ACAN: variants seen among roughly 807,000 people sequenced by gnomAD.
The protein encoded by ACAN is aggrecan core protein.
A neutral mutation model predicts 169.1 loss-of-function variants in ACAN; 47 were observed. The observed-to-expected ratio is 0.28, with a 90% CI of 0.22 to 0.35. The LOEUF (loss-of-function observed/expected upper bound fraction) is 0.35. Ranked by LOEUF, ACAN falls within the 10% of genes least tolerant of loss-of-function variation. The pLI is 1.00. For synonymous variants in ACAN, 1,115 were observed against 1,112.2 expected (o/e 1.00, Z -0.05); for missense variants, 2,716 against 2,759.9 (o/e 0.98, Z 0.36).
At chr15:88,853,326 G>C (rs955654685) in intron 11 of ACAN, among the ~76,000 whole-genome samples, 7 of 151,820 alleles carry the variant, frequency 4.6e-5, no homozygotes, top group Non-Finnish European at 8.8e-5. Flanking sequence ...TTTTCTTTAA[G>C]TTGACTTGCT....
rs148289212 is a variant in ACAN at position 88,865,863 on chromosome 15, AG to A, written c.6947-2352del. On this transcript the variant is annotated intron_variant, in intron 13 of 18. Coordinates refer to ENST00000560601, the MANE Select transcript of ACAN (RefSeq NM_001369268.1). ...CACAGGCCAAAACAGCTAATAAGAAAGCCCCACACCGGACACCTGGCCTTCT... is the reference window on the plus strand; with the variant it reads ...CACAGGCCAAAACAGCTAATAAGAAACCCCACACCGGACACCTGGCCTTCT... Among the ~76,000 whole-genome samples, 336 of 152,318 alleles carry A rather than the reference AG, an allele frequency of 2.2e-3. 1 individual carries two copies. The highest frequency in any genetic ancestry group is 7.6e-3 in the African/African-American group (316 of 41,572).
rs148054913 is a variant in ACAN, at chr15:88,813,365, T to C, written c.-8+9556T>C. On this transcript the variant is annotated intron_variant, in intron 1 of 18. Transcript: ENST00000560601. Reference sequence around the variant, plus strand: ...TATGTTGCACTCTGCTCTTGTCATATATAGGAAATCTGGGACTCAGAAAAG... The same window carrying C: ...TATGTTGCACTCTGCTCTTGTCATACATAGGAAATCTGGGACTCAGAAAAG... Among the ~76,000 whole-genome samples the C allele has an allele frequency of 2.5e-3, 374 of 152,330 alleles. 1 individual carries two copies. Among genetic ancestry groups the C allele is most frequent in the African/African-American group, 8.4e-3 (348 of 41,572 alleles).
At chr15:88,844,781 G>A (rs1444205400) in intron 6 of ACAN, among the ~76,000 whole-genome samples, 2 of 152,138 alleles carry the variant, frequency 1.3e-5, no homozygotes, top group Non-Finnish European at 2.9e-5. Context: ...CACATTTTGG[G>A]TTATAATTAT....
In ACAN at chr15:88,854,948, CCCCCTCAGAGGTGCCATT is replaced by C. The variant is rs746833765; in HGVS notation, c.2375_2392del (p.Val792_Glu797del). On this transcript the variant is annotated inframe_deletion, in exon 12 of 19. Coordinates refer to ENST00000560601, the MANE Select transcript of ACAN (RefSeq NM_001369268.1). ...GTGCCCTCTGCCTCAGAGGAACCAT[CCCCCTCAGAGGTGCCATT>C]CCCCTCAGAGGAGCCATCCCCCTCA... is the stretch of plus-strand genomic sequence containing the variant. 6.3e-7 allele frequency: 1 copy of C among 1,594,550 alleles called. No individual in the cohort carries two copies. Among genetic ancestry groups the C allele is most frequent in the African/African-American group, 1.3e-5 (1 of 74,332 alleles).
rs1897479194 is a variant in ACAN at position 88,875,034 on chromosome 15, G to A, written c.*553G>A. Reference sequence around the variant, plus strand: ...ATGAGGGAAAAGCCTTGGGGGAGAGGGGTGGGTTCCTGCCTCCTGCCGAGG... The same window carrying A: ...ATGAGGGAAAAGCCTTGGGGGAGAGAGGTGGGTTCCTGCCTCCTGCCGAGG... On this transcript the variant is annotated 3_prime_UTR_variant, in exon 19 of 19. Transcript: ENST00000560601. The surrounding 1 kb of genome is among the most constrained non-coding windows in gnomAD (Gnocchi z 4.8). The A allele has an allele frequency of 5.7e-6, 1 of 173,948 alleles. No individual in the cohort carries two copies. Among genetic ancestry groups the A allele is most frequent in the Non-Finnish European group, 1.2e-5 (1 of 80,964 alleles). 10.8% of individuals were successfully genotyped at this position (173,948 alleles called of 1,614,324 possible).
Position 88,860,338 on chromosome 15 carries a change from C to T in ACAN, c.6845C>T (p.Ser2282Phe), listed in dbSNP as rs752044557. Residue 2282 changes from serine (S) to phenylalanine (F), a missense_variant, in exon 13 of 19, where the codon TCC becomes TTC. Physicochemically the swap from Ser to Phe is radical, Grantham distance 155 (BLOSUM62 -2). Transcript: ENST00000560601. ...CTGGGGGTTGCAGCCCCCGCCAGGT[C>T]CTGTGCAGAGGAGCCCTGTGGAGCT... ...SESTAAAPAR[S>F]CAEEPCGAGT... 1 of 1,611,878 alleles carries T rather than the reference C, an allele frequency of 6.2e-7. No homozygotes were observed. Among genetic ancestry groups the T allele is most frequent in the African/African-American group, 1.3e-5 (1 of 74,886 alleles).
At position 88,871,474 on chromosome 15, in the gene ACAN, C is replaced by T. The variant is rs1428837585; in HGVS notation, c.7153C>T (p.Arg2385Trp). The T allele has an allele frequency of 1.1e-5, 18 of 1,613,890 alleles. No homozygotes were observed. Among genetic ancestry groups the T allele is most frequent in the Admixed American group, 1.7e-5 (1 of 60,024 alleles). Residue 2385 changes from arginine to tryptophan, a missense_variant, in exon 15 of 19, where the codon CGG (arginine) becomes TGG (tryptophan). Arg to Trp is a moderately radical substitution (Grantham distance 101). Transcript: ENST00000560601. This position sits in a 1 kb window ranked among gnomAD's most constrained non-coding sequence, Gnocchi z 7.8. ...CGAGACCTGGGTGGATGCTGAGCGC[C>T]GGTGTCGGGAGCAGCAGTCACACCT... is the stretch of plus-strand genomic sequence containing the variant. ...DRETWVDAER[R>W]CREQQSHLSS...
At position 88,857,136 on chromosome 15, in the gene ACAN, C is replaced by A. The variant is rs768446108; in HGVS notation, c.4551C>A (p.Thr1517=). The A allele has an allele frequency of 6.2e-7, 1 of 1,605,446 alleles. No homozygotes were observed. The highest frequency in any genetic ancestry group is 2.2e-5 in the East Asian group (1 of 44,466). The change falls in exon 12 of 19, where the codon ACC becomes ACA. Residue 1517 remains threonine, a synonymous_variant. Transcript: ENST00000560601. ...TTCCTTCAGGAGAAGGTCTAGAGAC[C>A]TCTGCTTCTGGAGTAGAGGACCTCA... ...SELPSGEGLE[T]SASGVEDLSR...
intron 1 of ACAN, among the ~76,000 whole-genome samples, chr15:88,835,237 A>C (rs1596128011): frequency 6.6e-6 from 1 of 152,222 alleles, no homozygotes; most frequent in East Asian, 1.9e-4. Flanking sequence ...TCTAAAACAC[A>C]CGTGATCTCT....
At chr15:88,863,055 A>C (rs1310929340) in intron 13 of ACAN, among the ~76,000 whole-genome samples, 3 of 151,628 alleles carry the variant, frequency 2.0e-5, no homozygotes, top group Non-Finnish European at 4.4e-5. Flanking sequence ...GGGGGGCCAT[A>C]GGGAGCAAAA....
In ACAN at chr15:88,861,543, A is replaced by G. The variant is rs1897194330; in HGVS notation, c.6946+1104A>G. On this transcript the variant is annotated intron_variant, in intron 13 of 18. Transcript: ENST00000560601. The surrounding 1 kb of genome is among the most constrained non-coding windows in gnomAD (Gnocchi z 6.3). ...CATGGTACATATGCAGTAACTATAT[A>G]TGTATATATAAACAGACGTTAGGGT... Among the ~76,000 whole-genome samples, 1 of 152,140 alleles carries G rather than the reference A, an allele frequency of 6.6e-6. No individual in the cohort carries two copies. Among genetic ancestry groups the G allele is most frequent in the Non-Finnish European group, 1.5e-5 (1 of 68,036 alleles).
chr15:88,834,727 C>A (rs903658537), intron 1 of ACAN, among the ~76,000 whole-genome samples: 2 of 152,180 alleles, frequency 1.3e-5, no homozygotes, highest in Non-Finnish European at 2.9e-5. Context: ...AGGCATGCAC[C>A]GTGGAGGGAA....
chr15:88,839,145 T>TC lies in ACAN; in HGVS notation c.454+101dup, dbSNP rs564189893. ...CAGGCAGGCTGGCCTTCAAACCAGC[T>TC]CCTCCACGCACCTCAGCCAAGTTAC... On this transcript the variant is annotated intron_variant, in intron 3 of 18. Transcript: ENST00000560601. The surrounding 1 kb of genome is among the most constrained non-coding windows in gnomAD (Gnocchi z 4.5). 4.3e-4 allele frequency: 632 copies of TC among 1,476,968 alleles called. 8 individuals are homozygous for TC. The South Asian group carries it at 7.7e-3, about 18-fold the overall frequency. The allele number at this position is 1,476,968 out of a possible 1,614,324, so 91.5% of individuals were successfully genotyped here.
chr15:88,857,590 G>A lies in ACAN; in HGVS notation c.5005G>A (p.Val1669Met). The change falls in exon 12 of 19, where the codon GTG becomes ATG. Residue 1669 changes from valine to methionine, a missense_variant. Val to Met is a conservative substitution (Grantham distance 21). This residue lies in a region of ACAN where 1,389 missense variants were observed against 1,363.7 expected (regional missense o/e 1.02). Transcript: ENST00000560601. ...CCTAGTGGATTCTACATTGGTGGAA[G>A]TGGTCACAGCCTCCACTGCAAGTGA... is the stretch of plus-strand genomic sequence containing the variant. ...VSLVDSTLVEVVTASTASELE... is the reference protein window; with the variant it reads ...VSLVDSTLVEMVTASTASELE... 6.2e-7 allele frequency: 1 copy of A among 1,613,986 alleles called. No individual in the cohort carries two copies. The highest frequency in any genetic ancestry group is 2.2e-5 in the East Asian group (1 of 44,886).
At chr15:88,817,542 T>C (rs1264268029) in intron 1 of ACAN, among the ~76,000 whole-genome samples, 2 of 135,486 alleles carry the variant, frequency 1.5e-5, no homozygotes, top group South Asian at 2.6e-4. Context: ...TTAGGAAATA[T>C]AAAGGTTCAA....
chr15:88,858,045 G>A lies in ACAN; in HGVS notation c.5460G>A (p.Thr1820=), dbSNP rs764459159. ...SGVPDLVSGT[T]SGSGESSGIT... is the part of the protein sequence containing the mutation. ...TCCCTGACCTGGTTTCTGGTACCAC[G>A]AGTGGCAGCGGTGAATCTTCTGGGA... Residue 1820 remains threonine, a synonymous_variant, in exon 12 of 19, where the codon ACG becomes ACA. Transcript: ENST00000560601. The surrounding 1 kb of genome is among the most constrained non-coding windows in gnomAD (Gnocchi z 4.0). 28 of 1,614,006 alleles carry A rather than the reference G, an allele frequency of 1.7e-5. No individual in the cohort carries two copies. Among genetic ancestry groups the A allele is most frequent in the Middle Eastern group, 1.6e-4 (1 of 6,062 alleles).
intron 1 of ACAN, among the ~76,000 whole-genome samples, chr15:88,826,152 G>C (rs771248456): frequency 3.3e-5 from 5 of 152,152 alleles, no homozygotes; most frequent in Admixed American, 2.6e-4. Flanking sequence ...ACGTCGGGGG[G>C]CTCTACTGAC....
In ACAN at chr15:88,838,596, T is replaced by C; in HGVS notation, c.71-67T>C. The C allele has an allele frequency of 6.6e-7, 1 of 1,508,958 alleles. No homozygotes were observed. The highest frequency in any genetic ancestry group is 8.9e-7 in the Non-Finnish European group (1 of 1,121,208). 93.5% of individuals were successfully genotyped at this position (1,508,958 alleles called of 1,614,324 possible). On this transcript the variant is annotated intron_variant, in intron 2 of 18. Transcript: ENST00000560601. The surrounding 1 kb of genome is among the most constrained non-coding windows in gnomAD (Gnocchi z 5.1). ...GAGAGTGCATTGCTGGAAGGATGGA[T>C]GGGGAGGCGGGGTGGTCCTCTCTAG...
chr15:88,823,290 C>G (rs1019894308), intron 1 of ACAN, among the ~76,000 whole-genome samples: 1 of 152,238 alleles, frequency 6.6e-6, no homozygotes, highest in African/African-American at 2.4e-5. Context: ...TCCAAAAACT[C>G]AGGTCTGATA....
Sources: gnomAD v4.1 joint callset for allele counts (sites outside exome capture counted in the v4.1 genomes callset) on GRCh38, gnomAD v4.1.1 for gene constraint, gnomAD v4.1.1 regional missense constraint, Gnocchi (gnomAD v3.1) non-coding constraint, MANE v1.5 for transcripts, NCBI Gene and HGNC (gene_info 2026-07-23, HGNC 2026-07-21) for gene names.